The following PCDHGA4 variants were observed in gnomAD, a reference collection of about 807,000 sequenced individuals.
The protein encoded by PCDHGA4 is protocadherin gamma subfamily A, 4, also known as protocadherin gamma-A4.
PCDHGA4 carries 38 observed loss-of-function variants against 54.6 expected under a neutral mutation model. The observed-to-expected ratio is 0.70, with a 90% CI of 0.54 to 0.91. The LOEUF (loss-of-function observed/expected upper bound fraction) is 0.91. Among genes scored for constraint, PCDHGA4 ranks in the 40% least tolerant of loss-of-function variants. The pLI, the probability that PCDHGA4 is intolerant of heterozygous loss-of-function variation, is 0.00. For synonymous variants in PCDHGA4, 511 were observed against 512.9 expected (o/e 1.00, Z 0.05); for missense variants, 1,298 against 1,220.9 (o/e 1.06, Z -0.94).
chr5:141,399,165 T>C (rs1423083245), intron 1 of PCDHGA4: 1 of 1,613,774 alleles, frequency 6.2e-7, no homozygotes, highest in South Asian at 1.1e-5. Context: ...TTACATTCCA[T>C]TCTCTACTTG....
intron 1 of PCDHGA4, among the ~76,000 whole-genome samples, chr5:141,435,652 G>A (rs978809372): frequency 3.9e-5 from 6 of 152,226 alleles, no homozygotes; most frequent in East Asian, 1.9e-4. Flanking sequence ...TTTCTGAAAC[G>A]TGCACAGATT....
intron 1 of PCDHGA4, chr5:141,408,674 A>T (rs1005052894): frequency 3.1e-6 from 5 of 1,614,000 alleles, no homozygotes; most frequent in Non-Finnish European, 4.2e-6. Flanking sequence ...TGACCCTGCC[A>T]CGGATCCTGA....
intron 1 of PCDHGA4, chr5:141,385,293 G>A: frequency 6.2e-7 from 1 of 1,613,166 alleles, no homozygotes; most frequent in Non-Finnish European, 8.5e-7. Flanking sequence ...TAGATTTTCA[G>A]GAATGTAAAG....
intron 1 of PCDHGA4, among the ~76,000 whole-genome samples, chr5:141,488,655 G>C (rs1438020338): frequency 6.6e-6 from 1 of 152,164 alleles, no homozygotes. Flanking sequence ...GATGGGGGAG[G>C]GTGGGGGAAT....
intron 1 of PCDHGA4, chr5:141,404,285 A>T (rs1195722797): frequency 1.9e-6 from 3 of 1,614,026 alleles, no homozygotes; most frequent in East Asian, 4.5e-5. Flanking sequence ...AGTGACTGAC[A>T]TCAATGATAA....
At chr5:141,456,057 C>T (rs2098842079) in intron 1 of PCDHGA4, among the ~76,000 whole-genome samples, 1 of 151,914 alleles carries the variant, frequency 6.6e-6, no homozygotes, top group South Asian at 2.1e-4. Context: ...ACCACCACGT[C>T]CGGCTAATTT....
In PCDHGA4 at chr5:141,359,947, C is replaced by G. The variant is rs903366746; in HGVS notation, c.2514+2326C>G. The G allele has an allele frequency of 9.4e-6, 5 of 532,132 alleles. No homozygotes were observed. The African/African-American group carries it at 9.7e-5, about 10-fold the overall frequency. The allele number at this position is 532,132 out of a possible 1,614,324, so 33.0% of individuals were successfully genotyped here. ...AAAACCTCTGAGCGTCGCTGTTGGT[C>G]AAAAGAACGAAGAGAAGCGTTTGGG... On this transcript the variant is annotated intron_variant, in intron 1 of 3. Coordinates refer to ENST00000571252, the MANE Select transcript of PCDHGA4 (RefSeq NM_018917.4).
rs370242892 is a variant in PCDHGA4 at position 141,420,225 on chromosome 5, C to A, written c.2514+62604C>A. On this transcript the variant is annotated intron_variant, in intron 1 of 3. Coordinates refer to ENST00000571252, the MANE Select transcript of PCDHGA4 (RefSeq NM_018917.4). ...CTCAACAAAGATAGCATGCTACTGGCTAGCATTTTAACTCCCAGCGTTGAA... is the reference window on the plus strand; with the variant it reads ...CTCAACAAAGATAGCATGCTACTGGATAGCATTTTAACTCCCAGCGTTGAA... 13 of 1,603,470 alleles carry A rather than the reference C, an allele frequency of 8.1e-6. No homozygotes were observed. In the African/African-American group the frequency reaches 1.7e-4, roughly 21 times the overall value.
At position 141,404,503 on chromosome 5, in the gene PCDHGA4, G is replaced by A. The variant is rs771196227; in HGVS notation, c.2514+46882G>A. 8 of 1,613,720 alleles carry A rather than the reference G, an allele frequency of 5.0e-6. No homozygotes were observed. In the East Asian group the frequency reaches 1.8e-4, roughly 36 times the overall value. On this transcript the variant is annotated intron_variant, in intron 1 of 3. Coordinates refer to ENST00000571252, the MANE Select transcript of PCDHGA4 (RefSeq NM_018917.4). Reference sequence around the variant, plus strand: ...CAGACACTGGTGTGCTGTATGCTCTGTGCTCCTTTGACTATGAGCAGTTTA... The same window carrying A: ...CAGACACTGGTGTGCTGTATGCTCTATGCTCCTTTGACTATGAGCAGTTTA...
At position 141,356,018 on chromosome 5, in the gene PCDHGA4, C is replaced by T; in HGVS notation, c.911C>T (p.Ala304Val). Residue 304 changes from alanine (A) to valine (V), a missense_variant, in exon 1 of 4, where the codon GCC (alanine) becomes GTC (valine). By Grantham distance (64) the Ala-to-Val change is moderately conservative. Transcript: ENST00000571252. ...TVKATDPDEG[A>V]NGDVTYSFRK... ...AAAGCCACTGATCCAGATGAAGGAG[C>T]CAATGGAGACGTGACGTATTCTTTC... 1 of 1,613,878 alleles carries T rather than the reference C, an allele frequency of 6.2e-7. No homozygotes were observed. The highest frequency in any genetic ancestry group is 8.5e-7 in the Non-Finnish European group (1 of 1,179,886).
rs1055242827 is a variant in PCDHGA4 at position 141,371,130 on chromosome 5, A to C, written c.2514+13509A>C. 6.8e-6 allele frequency: 11 copies of C among 1,613,896 alleles called. No homozygotes were observed. The South Asian group carries it at 1.2e-4, about 18-fold the overall frequency. Reference sequence around the variant, plus strand: ...TAACCCCCCAGTATTTACTCAGGACATGTACAGGGTCAATGTTGCAGAGAA... The same window carrying C: ...TAACCCCCCAGTATTTACTCAGGACCTGTACAGGGTCAATGTTGCAGAGAA... On this transcript the variant is annotated intron_variant, in intron 1 of 3. Transcript: ENST00000571252.
chr5:141,374,318 C>G (rs773144400), intron 1 of PCDHGA4: 2 of 1,613,996 alleles, frequency 1.2e-6, no homozygotes, highest in South Asian at 2.2e-5. Flanking sequence ...CTCTCTGAAT[C>G]CGCGAAACGG....
chr5:141,383,235 T>C (rs1205858909), intron 1 of PCDHGA4: 2 of 1,613,838 alleles, frequency 1.2e-6, no homozygotes, highest in Admixed American at 3.3e-5. Flanking sequence ...TGATGGAAGA[T>C]AAAATGAATC....
chr5:141,382,910 A>G, intron 1 of PCDHGA4: 1 of 1,546,576 alleles, frequency 6.5e-7, no homozygotes. Flanking sequence ...ATGGCGGCTC[A>G]GCCGAGGGGC....
At chr5:141,410,060 G>C in intron 1 of PCDHGA4, 1 of 1,613,108 alleles carries the variant, frequency 6.2e-7, no homozygotes, top group Non-Finnish European at 8.5e-7. Flanking sequence ...CTTCAGCCTG[G>C]GGCTGCGCAC....
intron 1 of PCDHGA4, chr5:141,409,529 G>A: frequency 6.2e-7 from 1 of 1,613,962 alleles, no homozygotes; most frequent in Middle Eastern, 1.6e-4. Context: ...CTTGTATGTC[G>A]CTGACATCAA....
chr5:141,355,319 A>G lies in PCDHGA4; in HGVS notation c.212A>G (p.Glu71Gly). 1 of 1,613,976 alleles carries G rather than the reference A, an allele frequency of 6.2e-7. No individual in the cohort carries two copies. The highest frequency in any genetic ancestry group is 1.3e-5 in the African/African-American group (1 of 75,064). Residue 71 changes from glutamate to glycine, a missense_variant, in exon 1 of 4, where the codon GAA becomes GGA. By Grantham distance (98) the Glu-to-Gly change is moderately conservative (BLOSUM62 -2). Transcript: ENST00000571252. ...QILYSVFEEQ[E>G]EGSVVGNIAK... ...CTCTACTCGGTGTTTGAGGAGCAGG[A>G]AGAAGGCTCAGTGGTGGGCAACATC...
At chr5:141,494,783 C>G (rs2099756910) in intron 1 of PCDHGA4, 24 bp from the exon 2 acceptor site, 2 of 1,613,964 alleles carry the variant, frequency 1.2e-6, no homozygotes, top group Admixed American at 3.3e-5. Context: ...GTACTCAGCC[C>G]CTTTCCCTCT....
chr5:141,474,955 T>C (rs2099356879), intron 1 of PCDHGA4, among the ~76,000 whole-genome samples: 1 of 152,254 alleles, frequency 6.6e-6, no homozygotes, highest in African/African-American at 2.4e-5. Context: ...TTTTATTCAC[T>C]ATCCTAATCA....
Sources: gnomAD v4.1 joint callset for allele counts (sites outside exome capture counted in the v4.1 genomes callset) on GRCh38, gnomAD v4.1.1 for gene constraint, MANE v1.5 for transcripts, NCBI Gene and HGNC (gene_info 2026-07-23, HGNC 2026-07-21) for gene names.